Variants in RIT2 observed in about 807,000 individuals in gnomAD.
The protein encoded by RIT2 is GTP-binding protein Rit2.
Under a neutral mutation model 23.7 loss-of-function variants are expected in RIT2, and 24 were observed. That is an observed-to-expected ratio of 1.01 (90% CI 0.73 to 1.43). The LOEUF is 1.43. RIT2 is among the 40% of genes most tolerant of loss of function. The pLI, the probability that RIT2 is intolerant of heterozygous loss-of-function variation, is 0.00. For missense variants in RIT2, 236 were observed against 266.9 expected (o/e 0.88, Z 0.81); for synonymous variants, 107 against 91.1 (o/e 1.17, Z -0.99).
intron 1 of RIT2, among the ~76,000 whole-genome samples, chr18:43,105,503 A>AGGAAGGAAGGAAGAAAGGGG (rs1913799332): frequency 9.8e-6 from 1 of 102,494 alleles, no homozygotes; most frequent in Admixed American, 1.2e-4. Flanking sequence ...GAAGAAAGGG[A>AGGAAGGAAGGAAGAAAGGGG]GGGAGGGAGG....
intron 4 of RIT2, among the ~76,000 whole-genome samples, chr18:42,877,981 A>G (rs2144073766): frequency 6.6e-6 from 1 of 151,968 alleles, no homozygotes; most frequent in East Asian, 1.9e-4. Context: ...AAGATACCAT[A>G]TTATGTATGT....
chr18:42,966,227 C>T (rs1910220840), intron 3 of RIT2, among the ~76,000 whole-genome samples: 1 of 152,048 alleles, frequency 6.6e-6, no homozygotes, highest in Non-Finnish European at 1.5e-5. Flanking sequence ...AGTGGCCCAG[C>T]AGTAATTATA....
chr18:42,992,021 C>T (rs1016842975), intron 2 of RIT2, among the ~76,000 whole-genome samples: 2 of 152,052 alleles, frequency 1.3e-5, no homozygotes, highest in African/African-American at 4.8e-5. Flanking sequence ...TGCCCCAACC[C>T]CTTATTTCCA....
intron 4 of RIT2, among the ~76,000 whole-genome samples, chr18:42,887,859 C>A (rs1908063592): frequency 6.6e-6 from 1 of 152,068 alleles, no homozygotes; most frequent in Non-Finnish European, 1.5e-5. Flanking sequence ...TGTCAGAAGA[C>A]ATGGAAGAAG....
chr18:43,051,040 G>C (rs1284280138), intron 1 of RIT2, among the ~76,000 whole-genome samples: 1 of 152,074 alleles, frequency 6.6e-6, no homozygotes, highest in African/African-American at 2.4e-5. Context: ...TTGGTCACAA[G>C]TTCCAGAGGC....
At chr18:42,989,684 GC>G (rs1177860089) in intron 2 of RIT2, among the ~76,000 whole-genome samples, 2 of 152,132 alleles carry the variant, frequency 1.3e-5, no homozygotes, top group African/African-American at 4.8e-5. Flanking sequence ...GTTGGCCAAG[GC>G]AGATCTAGAG....
At chr18:43,020,133 A>G (rs1167932383) in intron 2 of RIT2, among the ~76,000 whole-genome samples, 1 of 152,118 alleles carries the variant, frequency 6.6e-6, no homozygotes, top group African/African-American at 2.4e-5. Context: ...TACAGATTCA[A>G]TGCAACCCAT....
chr18:42,761,608 C>A (rs1913304906), intron 4 of RIT2, among the ~76,000 whole-genome samples: 1 of 152,170 alleles, frequency 6.6e-6, no homozygotes, highest in African/African-American at 2.4e-5. Flanking sequence ...TTAAGAATTT[C>A]AATTCTGAGT....
At chr18:42,799,633 A>T (rs1049935155) in intron 4 of RIT2, among the ~76,000 whole-genome samples, 2 of 152,172 alleles carry the variant, frequency 1.3e-5, no homozygotes, top group Admixed American at 1.3e-4. Context: ...CTTATAATAC[A>T]ATGAAGACTA....
At chr18:42,987,846 G>C (rs1028289384) in intron 2 of RIT2, among the ~76,000 whole-genome samples, 1 of 152,106 alleles carries the variant, frequency 6.6e-6, no homozygotes, top group Non-Finnish European at 1.5e-5. Flanking sequence ...TGTGATGAGA[G>C]AGGGAGGAAG....
At chr18:42,750,364 G>C (rs1367486635) in intron 4 of RIT2, among the ~76,000 whole-genome samples, 1 of 151,704 alleles carries the variant, frequency 6.6e-6, no homozygotes, top group Non-Finnish European at 1.5e-5. Context: ...TAACCAATAT[G>C]GTGATTTTTG....
chr18:42,854,907 C>T (rs1445634531), intron 4 of RIT2, among the ~76,000 whole-genome samples: 1 of 152,176 alleles, frequency 6.6e-6, no homozygotes, highest in African/African-American at 2.4e-5. Context: ...GACCCCAAAT[C>T]CTACAACTAC....
intron 4 of RIT2, among the ~76,000 whole-genome samples, chr18:42,791,988 T>G (rs1479005936): frequency 6.6e-6 from 1 of 152,206 alleles, no homozygotes; most frequent in Non-Finnish European, 1.5e-5. Context: ...AAATGTGTTC[T>G]TTTTTACTGG....
intron 1 of RIT2, among the ~76,000 whole-genome samples, chr18:43,092,201 C>T (rs1913438637): frequency 6.6e-6 from 1 of 152,064 alleles, no homozygotes; most frequent in Admixed American, 6.6e-5. Flanking sequence ...AGTTACCTCT[C>T]CCCAGGAAAC....
chr18:42,827,631 C>T (rs1420120755), intron 4 of RIT2, among the ~76,000 whole-genome samples: 4 of 151,938 alleles, frequency 2.6e-5, no homozygotes, highest in Non-Finnish European at 4.4e-5. Flanking sequence ...ATAAAATAAA[C>T]ATAGGATATG....
intron 4 of RIT2, among the ~76,000 whole-genome samples, chr18:42,874,945 T>G (rs1907707637): frequency 6.6e-6 from 1 of 152,078 alleles, no homozygotes; most frequent in South Asian, 2.1e-4. Context: ...CCTCTGAAAT[T>G]GAACTAATCA....
At chr18:43,015,131 G>C (rs1598748550) in intron 2 of RIT2, among the ~76,000 whole-genome samples, 2 of 151,832 alleles carry the variant, frequency 1.3e-5, no homozygotes, top group South Asian at 2.1e-4. Flanking sequence ...ACAGCACACT[G>C]TTTTAGCTGT....
chr18:43,092,709 G>A lies in RIT2; in HGVS notation c.103+22708C>T, dbSNP rs115795716. ...GCTCAGCTTGAAGGCAGCATTTTAC[G>A]TCAAAACAGTTTCTCAATATCAAGT... On this transcript the variant is annotated intron_variant, in intron 1 of 4. Coordinates refer to ENST00000326695, the MANE Select transcript of RIT2 (RefSeq NM_002930.4). Among the ~76,000 whole-genome samples the A allele has an allele frequency of 2.5e-3, 387 of 152,096 alleles. 2 individuals are homozygous for A. The highest frequency in any genetic ancestry group is 8.5e-3 in the African/African-American group (352 of 41,514).
chr18:42,932,068 T>C (rs1909339280), intron 3 of RIT2, among the ~76,000 whole-genome samples: 1 of 152,108 alleles, frequency 6.6e-6, no homozygotes, highest in African/African-American at 2.4e-5. Flanking sequence ...TGTTTTGCAA[T>C]AAAAAGAAGA....
Sources: gnomAD v4.1 joint callset for allele counts (sites outside exome capture counted in the v4.1 genomes callset) on GRCh38, gnomAD v4.1.1 for gene constraint, MANE v1.5 for transcripts, NCBI Gene and HGNC (gene_info 2026-07-23, HGNC 2026-07-21) for gene names.